BDNF: variants seen among roughly 807,000 people sequenced by gnomAD.
BDNF encodes neurotrophic factor BDNF precursor form.
BDNF carries 1 observed loss-of-function variant against 19.5 expected under a neutral mutation model. That is an observed-to-expected ratio of 0.05 (90% confidence interval 0.02 to 0.24). BDNF has a LOEUF of 0.24. Ranked by LOEUF, BDNF falls within the 10% of genes least tolerant of loss-of-function variation. BDNF has a pLI of 1.00. For synonymous variants in BDNF, 100 were observed against 121.6 expected, an observed-to-expected ratio of 0.82 and a Z score of 1.17; for missense variants, 195 against 317.6, an observed-to-expected ratio of 0.61 and a Z score of 2.93.
chr11:27,708,825 CT>C (rs67977614), intron 1 of BDNF, among the ~76,000 whole-genome samples: 94 of 112,454 alleles, frequency 8.4e-4, no homozygotes, highest in African/African-American at 1.7e-3. Flanking sequence ...TAGAATTCCT[CT>C]TTTTTTTTTT....
Position 27,657,352 on chromosome 11 carries a change from A to C in BDNF, c.*469T>G. ...TTGACATTGTTTTAATTCCAACGCT[A>C]TCAGAAGTTAAAAGCAGTAAAACAG... On this transcript the variant is annotated 3_prime_UTR_variant, in exon 2 of 2. Transcript: ENST00000356660. This position sits in a 1 kb window ranked among gnomAD's most constrained non-coding sequence, Gnocchi z 5.0. 1.0e-6 allele frequency: 1 copy of C among 998,804 alleles called. No individual in the cohort carries two copies. The highest frequency in any genetic ancestry group is 1.2e-6 in the Non-Finnish European group (1 of 837,472). The allele number at this position is 998,804 out of a possible 1,614,324, so 61.9% of individuals were successfully genotyped here. A position where few individuals can be genotyped will look rare whatever the true frequency, so the allele number is the denominator to read the frequency against.
intron 1 of BDNF, among the ~76,000 whole-genome samples, chr11:27,671,897 A>T (rs1467212337): frequency 6.6e-6 from 1 of 152,172 alleles, no homozygotes; most frequent in Non-Finnish European, 1.5e-5. Flanking sequence ...GAAGCACAGG[A>T]CTAAATGATA....
chr11:27,684,804 T>C (rs1590371080), intron 1 of BDNF, among the ~76,000 whole-genome samples: 1 of 152,154 alleles, frequency 6.6e-6, no homozygotes, highest in Non-Finnish European at 1.5e-5. Flanking sequence ...AGTTTACCAG[T>C]TTTTTATTGA....
In BDNF at chr11:27,657,170, A is replaced by G; in HGVS notation, c.*651T>C. The G allele has an allele frequency of 1.0e-6, 1 of 982,076 alleles. No individual in the cohort carries two copies. Among genetic ancestry groups the G allele is most frequent in the Non-Finnish European group, 1.2e-6 (1 of 826,498 alleles). The allele number at this position is 982,076 out of a possible 1,614,324, so 60.8% of individuals were successfully genotyped here. A position where few individuals can be genotyped will look rare whatever the true frequency, so the allele number is the denominator to read the frequency against. The stretch of plus-strand genomic sequence containing the variant: ...TTCACAACATACAAATGTATCTTTT[A>G]TCAGCCAGAATATATATTGTAGGAA... On this transcript the variant is annotated 3_prime_UTR_variant, in exon 2 of 2. Transcript: ENST00000356660. The surrounding 1 kb of genome is among the most constrained non-coding windows in gnomAD (Gnocchi z 5.0).
intron 1 of BDNF, chr11:27,674,753 A>T: frequency 1.0e-6 from 1 of 978,866 alleles, no homozygotes. Flanking sequence ...TATAGAAGAC[A>T]TGCAAACTCA....
At chr11:27,714,811 CTTTTG>C (rs1860455446) in intron 1 of BDNF, among the ~76,000 whole-genome samples, 1 of 152,096 alleles carries the variant, frequency 6.6e-6, no homozygotes, top group South Asian at 2.1e-4. Context: ...GAGAACATCT[CTTTTG>C]TTTTATGTGT....
At chr11:27,707,915 C>T (rs993388207) in intron 1 of BDNF, among the ~76,000 whole-genome samples, 4 of 152,072 alleles carry the variant, frequency 2.6e-5, no homozygotes, top group African/African-American at 7.2e-5. Flanking sequence ...CAGATGTCGA[C>T]GCCATGATTC....
chr11:27,694,147 T>C (rs1858673719), intron 1 of BDNF, among the ~76,000 whole-genome samples: 2 of 152,148 alleles, frequency 1.3e-5, no homozygotes, highest in Admixed American at 6.5e-5. Context: ...CGCTGGCATC[T>C]CCACTGGCAT....
chr11:27,720,998 A>T (rs1199456477), intron 1 of BDNF, among the ~76,000 whole-genome samples: 1 of 36,620 alleles, frequency 2.7e-5, no homozygotes, highest in Non-Finnish European at 5.1e-5. Flanking sequence ...CCTTACCCCC[A>T]CTCCACCCCC....
chr11:27,716,558 T>A (rs1289118420), intron 1 of BDNF, among the ~76,000 whole-genome samples: 1 of 152,032 alleles, frequency 6.6e-6, no homozygotes, highest in African/African-American at 2.4e-5. Context: ...GTAGCAGTTG[T>A]AAAATTAAAA....
intron 1 of BDNF, among the ~76,000 whole-genome samples, chr11:27,685,875 G>T (rs1205096587): frequency 1.4e-5 from 2 of 146,464 alleles, no homozygotes; most frequent in Non-Finnish European, 3.0e-5. Context: ...TGTATATTCT[G>T]TTGATATGGG....
chr11:27,705,151 A>T (rs1166380603), upstream of BDNF, among the ~76,000 whole-genome samples: 2 of 152,208 alleles, frequency 1.3e-5, no homozygotes, highest in African/African-American at 2.4e-5. Context: ...TGTGCTGAGA[A>T]CATTTAAAAA....
intron 1 of BDNF, among the ~76,000 whole-genome samples, chr11:27,687,241 T>G (rs192865278): frequency 6.6e-5 from 10 of 152,338 alleles, no homozygotes; most frequent in African/African-American, 2.2e-4. Flanking sequence ...TCTCGTGCTG[T>G]GTTTTTCAGC....
chr11:27,711,861 G>T (rs1860339940), intron 1 of BDNF, among the ~76,000 whole-genome samples: 1 of 152,220 alleles, frequency 6.6e-6, no homozygotes, highest in African/African-American at 2.4e-5. Flanking sequence ...AATCTCTTGG[G>T]TTAGTGAGGT....
chr11:27,708,052 ATGCAG>A (rs1408307142), intron 1 of BDNF, among the ~76,000 whole-genome samples: 1 of 152,228 alleles, frequency 6.6e-6, no homozygotes, highest in Non-Finnish European at 1.5e-5. Flanking sequence ...TGTCCCCCAA[ATGCAG>A]TAAAATGTTT....
At position 27,700,146 on chromosome 11, in the gene BDNF, T is replaced by C. The variant is rs2134084047; in HGVS notation, c.-22+18A>G. ...CGGGCAGCTCCTGCACCAAGCCCCA[T>C]TCCCAGCGCTTGCCTACCTCGGGGT... On this transcript the variant is annotated intron_variant, in intron 1 of 1. Coordinates refer to ENST00000356660, the MANE Select transcript of BDNF (RefSeq NM_001709.5). 1 of 985,796 alleles carries C rather than the reference T, an allele frequency of 1.0e-6. No individual in the cohort carries two copies. The highest frequency in any genetic ancestry group is 1.7e-5 in the African/African-American group (1 of 57,364). 61.1% of individuals were successfully genotyped at this position (985,796 alleles called of 1,614,324 possible). A position where few individuals can be genotyped will look rare whatever the true frequency, so the allele number is the denominator to read the frequency against.
chr11:27,691,408 A>G (rs1858259704), intron 1 of BDNF, among the ~76,000 whole-genome samples: 1 of 152,212 alleles, frequency 6.6e-6, no homozygotes, highest in South Asian at 2.1e-4. Flanking sequence ...CAATTAATGC[A>G]CGGTGAATTA....
chr11:27,711,210 C>T (rs1262646727), intron 1 of BDNF, among the ~76,000 whole-genome samples: 4 of 152,170 alleles, frequency 2.6e-5, no homozygotes, highest in African/African-American at 9.7e-5. Context: ...AAATAATCGT[C>T]TTAGCCTAGA....
intron 1 of BDNF, among the ~76,000 whole-genome samples, chr11:27,669,624 G>A (rs1854998813): frequency 1.3e-5 from 2 of 151,988 alleles, no homozygotes; most frequent in South Asian, 4.2e-4. Flanking sequence ...CAGACAAACA[G>A]AGAGCCAAAT....
Sources: gnomAD v4.1 joint callset for allele counts (sites outside exome capture counted in the v4.1 genomes callset) on GRCh38, gnomAD v4.1.1 for gene constraint, Gnocchi (gnomAD v3.1) non-coding constraint, MANE v1.5 for transcripts, NCBI Gene and HGNC (gene_info 2026-07-23, HGNC 2026-07-21) for gene names.